The following STK39 variants were observed in gnomAD, a reference collection of about 807,000 sequenced individuals.
The protein encoded by STK39 is serine/threonine kinase 39, also known as STE20/SPS1-related proline-alanine-rich protein kinase.
A neutral mutation model predicts 77.8 loss-of-function variants in STK39; 20 were observed. That is an observed-to-expected ratio of 0.26 (90% confidence interval 0.18 to 0.37). The LOEUF is 0.37. STK39 is among the 10% of genes least tolerant of loss of function. STK39 has a pLI of 1.00. For missense variants in STK39, 479 were observed against 656.5 expected (o/e 0.73, Z 2.95); for synonymous variants, 246 against 234.1 (o/e 1.05, Z -0.47).
chr2:168,020,680 C>G (rs960351176), intron 14 of STK39, among the ~76,000 whole-genome samples: 7 of 150,238 alleles, frequency 4.7e-5, no homozygotes, highest in African/African-American at 7.3e-5. Context: ...TATTATATAT[C>G]ATATATAATC....
chr2:168,095,678 G>C (rs1435909190), intron 10 of STK39, among the ~76,000 whole-genome samples: 1 of 141,704 alleles, frequency 7.1e-6, no homozygotes, highest in South Asian at 2.2e-4. Context: ...CCAGGCTGGA[G>C]TGCAGTGGCG....
chr2:168,073,786 T>G (rs557914649), intron 12 of STK39, among the ~76,000 whole-genome samples: 1 of 152,162 alleles, frequency 6.6e-6, no homozygotes, highest in Admixed American at 6.5e-5. Flanking sequence ...GCCCAGCTAA[T>G]TTTGTATTTT....
At chr2:168,182,212 CATT>C in intron 1 of STK39, 122 bp from the exon 2 acceptor site, 1 of 644,920 alleles carries the variant, frequency 1.6e-6, no homozygotes, top group Non-Finnish European at 2.7e-6. Flanking sequence ...AGAACATTAC[CATT>C]TGACATCTTT....
intron 2 of STK39, among the ~76,000 whole-genome samples, chr2:168,179,932 C>G (rs1280488198): frequency 6.6e-6 from 1 of 152,200 alleles, no homozygotes; most frequent in Non-Finnish European, 1.5e-5. Flanking sequence ...TAGCATCAAA[C>G]CAGAAGGCAG....
intron 1 of STK39, among the ~76,000 whole-genome samples, chr2:168,202,794 C>A (rs1689643188): frequency 1.3e-5 from 2 of 151,512 alleles, no homozygotes; most frequent in Non-Finnish European, 2.9e-5. Context: ...GGCTGTAAAA[C>A]AATAAATTTT....
chr2:168,165,165 C>T (rs1275405517), intron 3 of STK39, among the ~76,000 whole-genome samples: 1 of 151,874 alleles, frequency 6.6e-6, no homozygotes, highest in Non-Finnish European at 1.5e-5. Flanking sequence ...AAGGATATAC[C>T]ATACCAGGCA....
chr2:168,129,516 G>C, intron 10 of STK39, 25 bp downstream of exon 10: 2 of 1,613,488 alleles, frequency 1.2e-6, no homozygotes, highest in Non-Finnish European at 1.7e-6. Flanking sequence ...GTTCCTACAG[G>C]GTCATGAAGG....
At chr2:167,969,282 C>T (rs1394568139) in intron 16 of STK39, among the ~76,000 whole-genome samples, 5 of 152,202 alleles carry the variant, frequency 3.3e-5, no homozygotes, top group Non-Finnish European at 4.4e-5. Flanking sequence ...AGCCCTCTTT[C>T]TAATACTCAC....
At chr2:167,995,174 A>G (rs932713888) in intron 16 of STK39, among the ~76,000 whole-genome samples, 10 of 151,644 alleles carry the variant, frequency 6.6e-5, no homozygotes, top group Non-Finnish European at 1.2e-4. Flanking sequence ...CAGTGGTGCA[A>G]TCTTGTCTCA....
chr2:168,221,455 A>G (rs1266011925), intron 1 of STK39, among the ~76,000 whole-genome samples: 1 of 152,234 alleles, frequency 6.6e-6, no homozygotes, highest in East Asian at 1.9e-4. Flanking sequence ...ACAAAATGGC[A>G]AAGTTGTATG....
intron 3 of STK39, among the ~76,000 whole-genome samples, chr2:168,164,897 T>C (rs1325002152): frequency 6.6e-6 from 1 of 152,178 alleles, no homozygotes; most frequent in Non-Finnish European, 1.5e-5. Context: ...GGGTTTGACA[T>C]TTCTGAAGAG....
At chr2:168,140,862 T>C (rs369960713) in intron 5 of STK39, 104 bp from the exon 6 acceptor site, 153 of 922,264 alleles carry the variant, frequency 1.7e-4, no homozygotes, top group Non-Finnish European at 2.3e-4. Flanking sequence ...ACAGTGGTGA[T>C]GAACTATTCC....
chr2:167,964,791 C>A, intron 16 of STK39, 65 bp from the exon 17 acceptor site: 1 of 1,384,250 alleles, frequency 7.2e-7, no homozygotes, highest in South Asian at 1.3e-5. Flanking sequence ...ATTTTCACAT[C>A]AATGACTCAG....
chr2:168,129,793 T>C, intron 8 of STK39, 35 bp from the exon 9 acceptor site: 1 of 1,609,458 alleles, frequency 6.2e-7, no homozygotes, highest in Non-Finnish European at 8.5e-7. Context: ...GTTGAAACAA[T>C]GACCACTTAA....
At chr2:167,957,511 C>T (rs1057497146) in intron 17 of STK39, among the ~76,000 whole-genome samples, 1 of 152,176 alleles carries the variant, frequency 6.6e-6, no homozygotes, top group Non-Finnish European at 1.5e-5. Flanking sequence ...TATCTACCTT[C>T]CTAAATCATC....
At chr2:168,146,390 T>A (rs142384653) in intron 5 of STK39, among the ~76,000 whole-genome samples, 2 of 152,216 alleles carry the variant, frequency 1.3e-5, no homozygotes, top group Non-Finnish European at 2.9e-5. Flanking sequence ...ATGAACAACA[T>A]TGACTCTCTT....
intron 14 of STK39, among the ~76,000 whole-genome samples, chr2:168,025,841 C>T (rs1029015948): frequency 6.6e-6 from 1 of 152,200 alleles, no homozygotes. Flanking sequence ...CTGCTCATCC[C>T]GGGGCCTTCC....
At chr2:168,074,579 T>C (rs957019638) in intron 12 of STK39, among the ~76,000 whole-genome samples, 33 of 152,344 alleles carry the variant, frequency 2.2e-4, no homozygotes, top group African/African-American at 7.2e-4. Context: ...TCTACTTTAT[T>C]GCAAACAAAA....
At chr2:168,163,691 C>T in intron 4 of STK39, 48 bp downstream of exon 4, 1 of 1,610,516 alleles carries the variant, frequency 6.2e-7, no homozygotes, top group Non-Finnish European at 8.5e-7. Context: ...TCCAAAACCT[C>T]TTTAAGATAT....
Sources: allele counts gnomAD v4.1 joint callset (sites outside exome capture counted in the v4.1 genomes callset), GRCh38; gene constraint gnomAD v4.1.1; transcripts MANE v1.5; gene names NCBI Gene and HGNC (gene_info 2026-07-23, HGNC 2026-07-21).